LRRC3B: variants seen among roughly 807,000 people sequenced by gnomAD.
LRRC3B encodes leucine-rich repeat-containing protein 3B.
Under a neutral mutation model 12.8 loss-of-function variants are expected in LRRC3B, and 2 were observed. That is an observed-to-expected ratio of 0.16 (90% CI 0.06 to 0.49). LRRC3B has a LOEUF of 0.49. Ranked by LOEUF, LRRC3B falls within the 20% of genes least tolerant of loss-of-function variation. LRRC3B has a pLI of 0.96. For synonymous variants in LRRC3B, 132 were observed against 122.0 expected, an observed-to-expected ratio of 1.08 and a Z score of -0.54; for missense variants, 189 against 319.4, an observed-to-expected ratio of 0.59 and a Z score of 3.11.
chr3:26,671,371 TATAGAG>T lies in LRRC3B; in HGVS notation c.-160-38140_-160-38135del, dbSNP rs1453110500. On this transcript the variant is annotated intron_variant, in intron 1 of 1. Coordinates refer to ENST00000396641, the Ensembl canonical transcript of LRRC3B. ...GTGTGTATATATATATATATATATATATAGAGAGAGAGAGAGAGAGAGAGAGAGAGA... is the reference window on the plus strand; with the variant it reads ...GTGTGTATATATATATATATATATATAGAGAGAGAGAGAGAGAGAGAGAGA... 5.3e-3 allele frequency among the ~76,000 whole-genome samples: 192 copies of T among 35,938 alleles called. 1 individual carries two copies. Among genetic ancestry groups the T allele is most frequent in the Non-Finnish European group, 7.2e-3 (152 of 21,238 alleles). The allele number at this position is 35,938 out of a possible 152,430, so 23.6% of individuals were successfully genotyped here.
chr3:26,649,900 C>T (rs577709703), intron 1 of LRRC3B, among the ~76,000 whole-genome samples: 2 of 152,178 alleles, frequency 1.3e-5, no homozygotes, highest in South Asian at 4.2e-4. Context: ...TGTATAGCCC[C>T]GATGTAGCCC....
Position 26,658,110 on chromosome 3 carries a change from T to C in LRRC3B, c.-161+34873T>C, listed in dbSNP as rs57522462. Among the ~76,000 whole-genome samples the C allele has an allele frequency of 6.9e-3, 1,051 of 152,332 alleles. 15 individuals are homozygous for C. Among genetic ancestry groups the C allele is most frequent in the African/African-American group, 0.024 (1,016 of 41,586 alleles). On this transcript the variant is annotated intron_variant, in intron 1 of 1. Coordinates refer to ENST00000396641, the Ensembl canonical transcript of LRRC3B. ...TTCTTTTTTTGAGATGGAGTCTCGC[T>C]CTGTTGCCCAGGCTGGAGTTTCAGT...
At chr3:26,652,518 CAAG>C (rs1210058234) in intron 1 of LRRC3B, among the ~76,000 whole-genome samples, 4 of 152,134 alleles carry the variant, frequency 2.6e-5, no homozygotes, top group Non-Finnish European at 2.9e-5. Context: ...TCAAATCCTG[CAAG>C]AATAAAGGAG....
chr3:26,704,693 T>G (rs1700541718), intron 1 of LRRC3B, among the ~76,000 whole-genome samples: 1 of 152,150 alleles, frequency 6.6e-6, no homozygotes, highest in Non-Finnish European at 1.5e-5. Context: ...TGTGTACTGT[T>G]GCACCCAGCT....
At chr3:26,685,137 G>C (rs1218333310) in intron 1 of LRRC3B, among the ~76,000 whole-genome samples, 24 of 151,844 alleles carry the variant, frequency 1.6e-4, no homozygotes, top group Non-Finnish European at 3.2e-4. Context: ...ATTTCTAGTA[G>C]AGATGGGGTT....
At chr3:26,648,654 CTTTG>C (rs1261083729) in intron 1 of LRRC3B, among the ~76,000 whole-genome samples, 1 of 152,164 alleles carries the variant, frequency 6.6e-6, no homozygotes, top group African/African-American at 2.4e-5. Flanking sequence ...TATGGGCTCT[CTTTG>C]TTTGACTCCT....
chr3:26,639,627 G>A (rs776059870), intron 1 of LRRC3B, among the ~76,000 whole-genome samples: 7 of 151,942 alleles, frequency 4.6e-5, no homozygotes, highest in Admixed American at 1.3e-4. Context: ...GCCACATGTG[G>A]CCAGTGATTA....
chr3:26,639,566 C>T (rs573903039), intron 1 of LRRC3B, among the ~76,000 whole-genome samples: 36 of 139,426 alleles, frequency 2.6e-4, no homozygotes, highest in African/African-American at 9.8e-4. Context: ...GTTAAATAAA[C>T]TTAAATATTT....
chr3:26,668,168 C>T (rs1031384011), intron 1 of LRRC3B, among the ~76,000 whole-genome samples: 7 of 152,052 alleles, frequency 4.6e-5, no homozygotes, highest in Non-Finnish European at 1.0e-4. Context: ...TCTTTTTTCC[C>T]TGCATTAACG....
At chr3:26,637,569 G>A (rs1394386715) in intron 1 of LRRC3B, among the ~76,000 whole-genome samples, 1 of 152,200 alleles carries the variant, frequency 6.6e-6, no homozygotes, top group Non-Finnish European at 1.5e-5. Context: ...GGAAACACTT[G>A]TGGATTCTGT....
At chr3:26,706,658 C>A (rs1350758681) in intron 1 of LRRC3B, among the ~76,000 whole-genome samples, 1 of 152,112 alleles carries the variant, frequency 6.6e-6, no homozygotes, top group Non-Finnish European at 1.5e-5. Flanking sequence ...CTAAACATTT[C>A]TTATATGTGA....
intron 1 of LRRC3B, among the ~76,000 whole-genome samples, chr3:26,695,242 C>T (rs1312574794): frequency 6.6e-6 from 1 of 152,048 alleles, no homozygotes; most frequent in African/African-American, 2.4e-5. Flanking sequence ...TTAAAAAATA[C>T]TTCAGCTGGG....
chr3:26,696,290 A>G (rs919923514), intron 1 of LRRC3B, among the ~76,000 whole-genome samples: 7 of 152,204 alleles, frequency 4.6e-5, no homozygotes, highest in African/African-American at 1.7e-4. Context: ...AAAATATTTG[A>G]TGTGTTACAT....
chr3:26,623,171 C>A (rs570646404), exon 1 of LRRC3B: 2 of 152,272 alleles, frequency 1.3e-5, no homozygotes, highest in Non-Finnish European at 2.9e-5. Flanking sequence ...CCTAAGCATA[C>A]GCACCCAACG....
At chr3:26,664,422 T>C (rs886479374) in intron 1 of LRRC3B, among the ~76,000 whole-genome samples, 66 of 152,220 alleles carry the variant, frequency 4.3e-4, no homozygotes, top group African/African-American at 1.5e-3. Context: ...AAAGTCCTAT[T>C]TATCTGGTTA....
chr3:26,673,703 C>A (rs1699800110), intron 1 of LRRC3B, among the ~76,000 whole-genome samples: 1 of 152,244 alleles, frequency 6.6e-6, no homozygotes, highest in Non-Finnish European at 1.5e-5. Flanking sequence ...GTGTCATATG[C>A]CCTGTGAGAT....
chr3:26,699,359 G>A (rs186242486), intron 1 of LRRC3B, among the ~76,000 whole-genome samples: 1 of 152,106 alleles, frequency 6.6e-6, no homozygotes, highest in Non-Finnish European at 1.5e-5. Flanking sequence ...CCTTGTAACT[G>A]TGAGACCAAT....
intron 1 of LRRC3B, among the ~76,000 whole-genome samples, chr3:26,690,798 C>T (rs1298609551): frequency 6.6e-6 from 1 of 151,784 alleles, no homozygotes; most frequent in Non-Finnish European, 1.5e-5. Context: ...ATTTCTGGAC[C>T]ATATCCAAAT....
chr3:26,668,104 G>A (rs900602363), intron 1 of LRRC3B, among the ~76,000 whole-genome samples: 2 of 151,434 alleles, frequency 1.3e-5, no homozygotes, highest in Admixed American at 6.6e-5. Context: ...TATAAAAAAA[G>A]TATGAGTTTG....
Sources: allele counts gnomAD v4.1 joint callset (sites outside exome capture counted in the v4.1 genomes callset), GRCh38; gene constraint gnomAD v4.1.1; transcripts MANE v1.5; gene names NCBI Gene and HGNC (gene_info 2026-07-23, HGNC 2026-07-21).